TMEM72: variants seen among roughly 807,000 people sequenced by gnomAD.
TMEM72 encodes the protein kidney-specific secretory protein of 37 kDa.
TMEM72 carries 9 observed loss-of-function variants against 16.3 expected under a neutral mutation model. The ratio of observed to expected loss-of-function variants is 0.55; its 90% CI spans 0.33 to 0.96. The LOEUF (loss-of-function observed/expected upper bound fraction) is 0.96, where lower values mean the gene tolerates loss of function less well. Among genes scored for constraint, TMEM72 ranks in the 40% least tolerant of loss-of-function variants. The probability of loss-of-function intolerance (pLI) is 0.03; values close to 1 mark genes in which losing one functional copy is unlikely to be tolerated. For synonymous variants in TMEM72, 160 were observed against 146.5 expected, an observed-to-expected ratio of 1.09 and a Z score of -0.66; for missense variants, 324 against 337.8, an observed-to-expected ratio of 0.96 and a Z score of 0.32.
rs532641488 is a variant in TMEM72, at chr10:44,922,192, G to A, written c.71-5729G>A. 3.3e-5 allele frequency among the ~76,000 whole-genome samples: 5 copies of A among 152,304 alleles called. No homozygotes were observed. In the South Asian group the frequency reaches 1.0e-3, roughly 32 times the overall value. ...CCTAAGGTCCAATTCCACAAAACAA[G>A]GAGTGGGCTGTCCTCATCCACAGGT... is the stretch of plus-strand genomic sequence containing the variant. On this transcript the variant is annotated intron_variant, in intron 1 of 4. Transcript: ENST00000389583.
Position 44,936,667 on chromosome 10 carries a change from A to T in TMEM72, c.*1533A>T, listed in dbSNP as rs1171631826. ...AGGACCTGACTGTCTACAGTCAGGGAATAGTGAACAATATGGGATATGGGT... is the reference window on the plus strand; with the variant it reads ...AGGACCTGACTGTCTACAGTCAGGGTATAGTGAACAATATGGGATATGGGT... On this transcript the variant is annotated 3_prime_UTR_variant, in exon 5 of 5. Transcript: ENST00000389583. The T allele has an allele frequency of 6.6e-6, 1 of 152,228 alleles. No homozygotes were observed. Among genetic ancestry groups the T allele is most frequent in the East Asian group, 1.9e-4 (1 of 5,192 alleles). The allele number at this position is 152,228 out of a possible 1,614,324, so 9.4% of individuals were successfully genotyped here. A position where few individuals can be genotyped will look rare whatever the true frequency, so the allele number is the denominator to read the frequency against.
At chr10:44,914,877 T>A (rs966238624) in intron 1 of TMEM72, among the ~76,000 whole-genome samples, 2 of 152,178 alleles carry the variant, frequency 1.3e-5, no homozygotes, top group Admixed American at 1.3e-4. Flanking sequence ...ACTTCAGCCA[T>A]CCTCTTACCC....
intron 2 of TMEM72, 84 bp from the exon 3 acceptor site, chr10:44,931,914 A>AG: frequency 1.5e-6 from 2 of 1,378,658 alleles, no homozygotes; most frequent in Middle Eastern, 1.8e-4. Flanking sequence ...ATGTGATGTC[A>AG]GGAGGCCACG....
At chr10:44,914,499 G>A (rs1018217207) in intron 1 of TMEM72, among the ~76,000 whole-genome samples, 2 of 152,206 alleles carry the variant, frequency 1.3e-5, no homozygotes, top group Admixed American at 6.5e-5. Flanking sequence ...GCTGAGACGC[G>A]GCATCCATTG....
intron 4 of TMEM72, among the ~76,000 whole-genome samples, chr10:44,934,359 GC>G (rs767823704): frequency 4.6e-5 from 7 of 152,120 alleles, no homozygotes; most frequent in Non-Finnish European, 1.0e-4. Flanking sequence ...TGAAAACTGT[GC>G]CCCCTCCTCA....
chr10:44,919,733 G>C (rs775212712), intron 1 of TMEM72, among the ~76,000 whole-genome samples: 21 of 152,172 alleles, frequency 1.4e-4, no homozygotes, highest in Non-Finnish European at 2.8e-4. Context: ...GTTTCAATAG[G>C]AGCTCAATCT....
intron 2 of TMEM72, among the ~76,000 whole-genome samples, chr10:44,929,466 C>G (rs78999723): frequency 0.056 from 8,604 of 152,312 alleles, 311 homozygotes; most frequent in Non-Finnish European, 0.071. Context: ...TCCACTCCCC[C>G]CCCTCCTCAG....
At chr10:44,929,619 C>T (rs917453538) in intron 2 of TMEM72, among the ~76,000 whole-genome samples, 3 of 152,276 alleles carry the variant, frequency 2.0e-5, no homozygotes, top group South Asian at 2.1e-4. Context: ...CCCATTTCCA[C>T]ACTGCCATCT....
At chr10:44,924,787 G>A (rs1313366213) in intron 1 of TMEM72, among the ~76,000 whole-genome samples, 1 of 152,226 alleles carries the variant, frequency 6.6e-6, no homozygotes, top group African/African-American at 2.4e-5. Context: ...AAATTGAGGA[G>A]CCATACTCCT....
chr10:44,918,475 T>C (rs936041490), intron 1 of TMEM72, among the ~76,000 whole-genome samples: 1 of 152,154 alleles, frequency 6.6e-6, no homozygotes, highest in Non-Finnish European at 1.5e-5. Context: ...ACTTCTCAAC[T>C]CATTCTATAA....
intron 1 of TMEM72, among the ~76,000 whole-genome samples, chr10:44,915,542 T>C (rs1840001477): frequency 6.6e-6 from 1 of 152,020 alleles, no homozygotes; most frequent in Non-Finnish European, 1.5e-5. Flanking sequence ...TCCACCTGAA[T>C]CAGGATTAAA....
rs977135492 is a variant in TMEM72, at chr10:44,932,020, A to G, written c.160A>G (p.Ile54Val). ...CAGGTTTACAGGAGCCGCTGTCTCCATATGTGAAGGGGCCTACTTTGTGGC... is the reference window on the plus strand; with the variant it reads ...CAGGTTTACAGGAGCCGCTGTCTCCGTATGTGAAGGGGCCTACTTTGTGGC... ...YLLFTGAAVSICEGAYFVAQL... is the reference protein window; with the variant it reads ...YLLFTGAAVSVCEGAYFVAQL... The change falls in exon 3 of 5, where the codon ATA becomes GTA. Residue 54 changes from isoleucine to valine, a missense_variant. Physicochemically the swap from Ile to Val is conservative, Grantham distance 29. Coordinates refer to ENST00000389583, the MANE Select transcript of TMEM72 (RefSeq NM_001123376.3). 2 of 1,613,374 alleles carry G rather than the reference A, an allele frequency of 1.2e-6. No homozygotes were observed. The highest frequency in any genetic ancestry group is 1.7e-6 in the Non-Finnish European group (2 of 1,179,730).
chr10:44,936,827 G>C lies in TMEM72; in HGVS notation c.*1693G>C, dbSNP rs1408151820. The C allele has an allele frequency of 6.6e-6, 1 of 152,278 alleles. No individual in the cohort carries two copies. Among genetic ancestry groups the C allele is most frequent in the Non-Finnish European group, 1.5e-5 (1 of 68,060 alleles). 9.4% of individuals were successfully genotyped at this position (152,278 alleles called of 1,614,324 possible). A position where few individuals can be genotyped will look rare whatever the true frequency, so the allele number is the denominator to read the frequency against. On this transcript the variant is annotated 3_prime_UTR_variant, in exon 5 of 5. Transcript: ENST00000389583. Reference sequence around the variant, plus strand: ...CCCCTGTCAACTGTGGAAGGGGAATGTGATGGCCACAGACACCCTCATGGC... The same window carrying C: ...CCCCTGTCAACTGTGGAAGGGGAATCTGATGGCCACAGACACCCTCATGGC...
At chr10:44,918,368 T>C (rs1840042576) in intron 1 of TMEM72, among the ~76,000 whole-genome samples, 1 of 152,008 alleles carries the variant, frequency 6.6e-6, no homozygotes, top group South Asian at 2.1e-4. Flanking sequence ...AAGAGTGGGG[T>C]ATCAGCACAG....
chr10:44,924,967 C>T (rs76079074), intron 1 of TMEM72, among the ~76,000 whole-genome samples: 1,546 of 152,296 alleles, frequency 0.01, 22 homozygotes, highest in African/African-American at 0.036. Context: ...GGGAAGGAGT[C>T]ACCTCTTTGC....
intron 1 of TMEM72, among the ~76,000 whole-genome samples, chr10:44,926,668 G>A (rs970345016): frequency 8.5e-5 from 13 of 152,180 alleles, no homozygotes; most frequent in Non-Finnish European, 8.8e-5. Context: ...AGTCGCCCAT[G>A]AAGCACAGCG....
chr10:44,918,292 T>A (rs1444409491), intron 1 of TMEM72, among the ~76,000 whole-genome samples: 2 of 152,142 alleles, frequency 1.3e-5, no homozygotes, highest in African/African-American at 4.8e-5. Context: ...CTATTCTACG[T>A]GGGAGACACT....
chr10:44,934,176 A>T lies in TMEM72; in HGVS notation c.349+400A>T, dbSNP rs893247055. Among the ~76,000 whole-genome samples the T allele has an allele frequency of 3.3e-4, 50 of 151,950 alleles. 1 individual carries two copies. Among genetic ancestry groups the T allele is most frequent in the Non-Finnish European group, 1.2e-4 (8 of 68,010 alleles). On this transcript the variant is annotated intron_variant, in intron 4 of 4. Transcript: ENST00000389583. ...CTCAGCCTGGTTTGAAAGGCACTTC[A>T]GGGTGGGACCCCAGAAAATCTTCAC...
chr10:44,929,149 T>G (rs1419573212), intron 2 of TMEM72, among the ~76,000 whole-genome samples: 1 of 151,500 alleles, frequency 6.6e-6, no homozygotes, highest in African/African-American at 2.4e-5. Context: ...CCAAGACCCT[T>G]TTTTTCCCCA....
Sources: gnomAD v4.1 joint callset for allele counts (sites outside exome capture counted in the v4.1 genomes callset) on GRCh38, gnomAD v4.1.1 for gene constraint, MANE v1.5 for transcripts, NCBI Gene and HGNC (gene_info 2026-07-23, HGNC 2026-07-21) for gene names.